The following VWC2 variants were observed in gnomAD, a reference collection of about 807,000 sequenced individuals.
VWC2 encodes brorin.
A neutral mutation model predicts 29.8 loss-of-function variants in VWC2; 14 were observed. The ratio of observed to expected loss-of-function variants is 0.47; its 90% confidence interval spans 0.31 to 0.74. The LOEUF is 0.74. Among genes scored for constraint, VWC2 ranks in the 30% least tolerant of loss-of-function variants. VWC2 has a pLI of 0.05. For missense variants in VWC2, 457 were observed against 459.8 expected (o/e 0.99, Z 0.05); for synonymous variants, 213 against 199.0 (o/e 1.07, Z -0.59).
In VWC2 at chr7:49,917,267, T is replaced by G. The variant is rs1466532496; in HGVS notation, c.*5082T>G. 6.6e-6 allele frequency: 1 copy of G among 152,212 alleles called. No individual in the cohort carries two copies. Among genetic ancestry groups the G allele is most frequent in the African/African-American group, 2.4e-5 (1 of 41,468 alleles). 9.4% of individuals were successfully genotyped at this position (152,212 alleles called of 1,614,324 possible). ...TTTACTGTAGTGTCAAATTTCACTT[T>G]AAATTTTGCAAAGCACCTGCTATTC... On this transcript the variant is annotated 3_prime_UTR_variant, in exon 4 of 4. Transcript: ENST00000340652.
chr7:49,846,727 C>G (rs1325391032), intron 3 of VWC2, among the ~76,000 whole-genome samples: 1 of 152,116 alleles, frequency 6.6e-6, no homozygotes, highest in African/African-American at 2.4e-5. Flanking sequence ...TGCTTAACTC[C>G]CTGAGCTCCA....
intron 3 of VWC2, among the ~76,000 whole-genome samples, chr7:49,823,591 C>T (rs1055596155): frequency 1.6e-4 from 24 of 152,108 alleles, no homozygotes; most frequent in African/African-American, 5.3e-4. Flanking sequence ...CTGGGGCCCC[C>T]GGCAGTTGGG....
In VWC2 at chr7:49,833,146, C is replaced by T. The variant is rs181748351; in HGVS notation, c.826+30306C>T. ...GAAGGTTTCCAGGTTAACTGCAGGGCGTTTAGTGTCAGCAACTAAATGAAT... is the reference window on the plus strand; with the variant it reads ...GAAGGTTTCCAGGTTAACTGCAGGGTGTTTAGTGTCAGCAACTAAATGAAT... On this transcript the variant is annotated intron_variant, in intron 3 of 3. Transcript: ENST00000340652. Among the ~76,000 whole-genome samples the T allele has an allele frequency of 2.7e-4, 41 of 152,184 alleles. No individual in the cohort carries two copies. The East Asian group carries it at 7.5e-3, about 28-fold the overall frequency.
chr7:49,789,237 AAG>A lies in VWC2; in HGVS notation c.696+13109_696+13110del, dbSNP rs199686553. 2.0e-3 allele frequency among the ~76,000 whole-genome samples: 232 copies of A among 116,396 alleles called. 2 individuals are homozygous for A. The highest frequency in any genetic ancestry group is 6.1e-3 in the African/African-American group (194 of 31,682). The allele number at this position is 116,396 out of a possible 152,430, so 76.4% of individuals were successfully genotyped here. ...TGTGTGAGTGTGGGAGAGTGTGTGA[AAG>A]AGTGTAGGTGTGGGAGTGGGTGTGT... On this transcript the variant is annotated intron_variant, in intron 2 of 3. Transcript: ENST00000340652.
intron 3 of VWC2, among the ~76,000 whole-genome samples, chr7:49,845,458 C>A (rs1252608787): frequency 6.6e-6 from 1 of 152,048 alleles, no homozygotes; most frequent in African/African-American, 2.4e-5. Flanking sequence ...GATAGCAAAC[C>A]CTTGACATTT....
intron 3 of VWC2, among the ~76,000 whole-genome samples, chr7:49,822,037 T>C (rs1335245075): frequency 5.9e-5 from 9 of 152,196 alleles, no homozygotes; most frequent in South Asian, 2.1e-4. Flanking sequence ...CTTTCATCAG[T>C]TGGAATTTCT....
chr7:49,801,536 A>C (rs973901223), intron 2 of VWC2, among the ~76,000 whole-genome samples: 4 of 152,250 alleles, frequency 2.6e-5, no homozygotes, highest in Middle Eastern at 6.3e-3. Flanking sequence ...AGCCACGTAC[A>C]GCTTTCTTGG....
chr7:49,794,343 C>T (rs1788535132), intron 2 of VWC2, among the ~76,000 whole-genome samples: 1 of 152,116 alleles, frequency 6.6e-6, no homozygotes, highest in African/African-American at 2.4e-5. Context: ...ATTAATTGAC[C>T]ATTCAGATTT....
chr7:49,894,695 G>A (rs1293413879), intron 3 of VWC2, among the ~76,000 whole-genome samples: 2 of 152,182 alleles, frequency 1.3e-5, no homozygotes, highest in African/African-American at 4.8e-5. Context: ...AGCGTGGGTG[G>A]GGGCCTAGGG....
intron 3 of VWC2, among the ~76,000 whole-genome samples, chr7:49,870,162 A>G (rs1044906635): frequency 2.0e-5 from 3 of 152,188 alleles, no homozygotes; most frequent in African/African-American, 7.2e-5. Flanking sequence ...GCACTTTGGG[A>G]GACCGAGGTG....
intron 3 of VWC2, among the ~76,000 whole-genome samples, chr7:49,810,508 C>A (rs57023092): frequency 2.0e-5 from 3 of 152,026 alleles, no homozygotes; most frequent in Admixed American, 2.0e-4. Flanking sequence ...TCCCAGCATA[C>A]GTTTTTTGTA....
In VWC2 at chr7:49,775,766, G is replaced by T; in HGVS notation, c.331G>T (p.Val111Phe). The T allele has an allele frequency of 6.6e-7, 1 of 1,517,470 alleles. No homozygotes were observed. Among genetic ancestry groups the T allele is most frequent in the Non-Finnish European group, 8.8e-7 (1 of 1,134,450 alleles). The allele number at this position is 1,517,470 out of a possible 1,614,324, so 94.0% of individuals were successfully genotyped here. Residue 111 changes from valine (V) to phenylalanine (F), a missense_variant, in exon 2 of 4, where the codon GTC becomes TTC. Val to Phe is a conservative substitution (Grantham distance 50). Around this residue, in one of 2 missense-constraint regions of VWC2, gnomAD observed 272 missense variants for 202.7 expected, o/e 1.34. Coordinates refer to ENST00000340652, the MANE Select transcript of VWC2 (RefSeq NM_198570.5). The part of the protein sequence containing the change: ...GGGAKAGDLQ[V>F]RPRGDTPQAE... ...GGGCGCCAAGGCCGGGGATCTGCAGGTCCGGCCCCGCGGGGACACCCCGCA... is the reference window on the plus strand; with the variant it reads ...GGGCGCCAAGGCCGGGGATCTGCAGTTCCGGCCCCGCGGGGACACCCCGCA...
chr7:49,885,513 T>A (rs1791863914), intron 3 of VWC2, among the ~76,000 whole-genome samples: 1 of 151,646 alleles, frequency 6.6e-6, no homozygotes. Flanking sequence ...AAACTCGTTA[T>A]ATAATTAGGA....
intron 2 of VWC2, among the ~76,000 whole-genome samples, chr7:49,777,760 G>A (rs912007213): frequency 3.9e-5 from 6 of 152,104 alleles, no homozygotes; most frequent in African/African-American, 1.2e-4. Flanking sequence ...GGTGTTTTGG[G>A]TGCAGAACAA....
chr7:49,830,151 T>C (rs1285209393), intron 3 of VWC2, among the ~76,000 whole-genome samples: 4 of 152,210 alleles, frequency 2.6e-5, no homozygotes, highest in Non-Finnish European at 5.9e-5. Flanking sequence ...TGTTCAGCTC[T>C]TCCCTGTGGT....
intron 2 of VWC2, 119 bp from the exon 3 acceptor site, chr7:49,802,592 C>T (rs1344863404): frequency 2.4e-5 from 33 of 1,364,064 alleles, no homozygotes; most frequent in African/African-American, 1.3e-4. Flanking sequence ...GAGCCGAGAT[C>T]GCACCACTGC....
chr7:49,884,231 G>C (rs1414555991), intron 3 of VWC2, among the ~76,000 whole-genome samples: 1 of 152,248 alleles, frequency 6.6e-6, no homozygotes, highest in Non-Finnish European at 1.5e-5. Context: ...TGTCTGGGCT[G>C]GAGGAAGGAT....
rs745920342 is a variant in VWC2 at position 49,775,473 on chromosome 7, C to G, written c.38C>G (p.Ser13Cys). Residue 13 changes from serine (S) to cysteine (C), a missense_variant, in exon 2 of 4, where the codon TCC becomes TGC. Physicochemically the swap from Ser to Cys is moderately radical, Grantham distance 112. Around this residue, in one of 2 missense-constraint regions of VWC2, gnomAD observed 272 missense variants for 202.7 expected, o/e 1.34. Coordinates refer to ENST00000340652, the MANE Select transcript of VWC2 (RefSeq NM_198570.5). Reference protein sequence around the residue: ...SSTAMAVGALSSSLLVTCCLM... With the variant: ...SSTAMAVGALCSSLLVTCCLM... Reference sequence around the variant, plus strand: ...ACTGCGATGGCAGTTGGCGCGCTCTCCAGTTCCCTCCTGGTCACCTGCTGC... The same window carrying G: ...ACTGCGATGGCAGTTGGCGCGCTCTGCAGTTCCCTCCTGGTCACCTGCTGC... 1.3e-6 allele frequency: 2 copies of G among 1,533,102 alleles called. No individual in the cohort carries two copies. The highest frequency in any genetic ancestry group is 5.3e-5 in the East Asian group (2 of 37,780). The allele number at this position is 1,533,102 out of a possible 1,614,324, so 95.0% of individuals were successfully genotyped here. A position where few individuals can be genotyped will look rare whatever the true frequency, so the allele number is the denominator to read the frequency against.
chr7:49,776,261 C>T (rs1788052593), intron 2 of VWC2, 130 bp downstream of exon 2: 2 of 806,378 alleles, frequency 2.5e-6, no homozygotes, highest in Non-Finnish European at 3.8e-6. Flanking sequence ...ACTGTGCTCA[C>T]GTCCCTTTGA....
Sources: gnomAD v4.1 joint callset for allele counts (sites outside exome capture counted in the v4.1 genomes callset) on GRCh38, gnomAD v4.1.1 for gene constraint, gnomAD v4.1.1 regional missense constraint, MANE v1.5 for transcripts, NCBI Gene and HGNC (gene_info 2026-07-23, HGNC 2026-07-21) for gene names.